ATAD2: variants seen among roughly 807,000 people sequenced by gnomAD.
ATAD2 encodes ATPase family AAA domain-containing protein 2.
A neutral mutation model predicts 168.9 loss-of-function variants in ATAD2; 62 were observed. The ratio of observed to expected loss-of-function variants is 0.37; its 90% confidence interval spans 0.30 to 0.45. The LOEUF (loss-of-function observed/expected upper bound fraction) is 0.45, where lower values mean the gene tolerates loss of function less well. Ranked by LOEUF, ATAD2 falls within the 20% of genes least tolerant of loss-of-function variation. The pLI is 1.00. For synonymous variants in ATAD2, 613 were observed against 571.6 expected, an observed-to-expected ratio of 1.07 and a Z score of -1.03; for missense variants, 1,419 against 1,667.8, an observed-to-expected ratio of 0.85 and a Z score of 2.60.
At chr8:123,389,613 C>T (rs1368039437) in intron 1 of ATAD2, among the ~76,000 whole-genome samples, 1 of 151,260 alleles carries the variant, frequency 6.6e-6, no homozygotes, top group Non-Finnish European at 1.5e-5. Flanking sequence ...GCACTTCAGC[C>T]TGGGCGACAG....
chr8:123,371,810 T>C lies in ATAD2; in HGVS notation c.396A>G (p.Ser132=). 2 of 1,604,500 alleles carry C rather than the reference T, an allele frequency of 1.2e-6. No individual in the cohort carries two copies. The highest frequency in any genetic ancestry group is 2.2e-5 in the East Asian group (1 of 44,734). ...REDKVIPVTR[S]LRARNIVQST... is the part of the protein sequence containing the mutation. Reference sequence around the variant, plus strand: ...TTTGAACGATGTTTCTAGCCCTCAATGACCGAGTAACTGGAATCACTTTGT... The same window carrying C: ...TTTGAACGATGTTTCTAGCCCTCAACGACCGAGTAACTGGAATCACTTTGT... The change falls in exon 4 of 28, where the codon TCA becomes TCG. Residue 132 remains serine (S), a synonymous_variant. Coordinates refer to ENST00000287394, the MANE Select transcript of ATAD2 (RefSeq NM_014109.4).
In ATAD2 at chr8:123,334,199, C is replaced by A; in HGVS notation, c.3334+1G>T. The A allele has an allele frequency of 6.3e-7, 1 of 1,576,402 alleles. No individual in the cohort carries two copies. The highest frequency in any genetic ancestry group is 8.6e-7 in the Non-Finnish European group (1 of 1,168,488). On this transcript the variant is annotated splice_donor_variant, in intron 23 of 27. Coordinates refer to ENST00000287394, the MANE Select transcript of ATAD2 (RefSeq NM_014109.4). LOFTEE classifies it high-confidence loss of function. ...ACAAATCAACCAAATCACTTTCCTA[C>A]CTCTTTTCTTTCTAGATTCCTGAAT...
chr8:123,387,290 G>C (rs1346530644), intron 1 of ATAD2, among the ~76,000 whole-genome samples: 1 of 151,996 alleles, frequency 6.6e-6, no homozygotes, highest in Non-Finnish European at 1.5e-5. Flanking sequence ...ACAAATTGCT[G>C]AATGTATTAT....
chr8:123,372,489 G>A (rs1343138875), intron 3 of ATAD2, 148 bp downstream of exon 3: 1 of 581,732 alleles, frequency 1.7e-6, no homozygotes, highest in East Asian at 3.2e-5. Context: ...TCTTATTGTG[G>A]TGATGGCTTC....
At chr8:123,394,946 A>T (rs1812757505) in intron 1 of ATAD2, among the ~76,000 whole-genome samples, 1 of 152,242 alleles carries the variant, frequency 6.6e-6, no homozygotes. Flanking sequence ...CCCTCAGTAG[A>T]GTAGCAACCA....
At chr8:123,342,397 TAAG>T (rs1225298065) in intron 19 of ATAD2, 2 of 152,016 alleles carry the variant, frequency 1.3e-5, no homozygotes, top group African/African-American at 4.8e-5. Context: ...GAATGGAGAT[TAAG>T]AAGTGGAAGA....
intron 2 of ATAD2, among the ~76,000 whole-genome samples, chr8:123,376,975 C>G (rs1829333113): frequency 6.6e-6 from 1 of 151,564 alleles, no homozygotes; most frequent in African/African-American, 2.4e-5. Flanking sequence ...GCCTGTAATC[C>G]CAGCTACTCA....
upstream of ATAD2, chr8:123,401,362 A>ACCCAG: frequency 7.1e-7 from 1 of 1,404,758 alleles, no homozygotes; most frequent in Non-Finnish European, 1.0e-6. Context: ...GGACCTGCTC[A>ACCCAG]CCCAGGCGGG....
chr8:123,401,752 G>A lies in ATAD2; in HGVS notation c.-2281-577C>T, dbSNP rs190838725. 5.4e-6 allele frequency: 4 copies of A among 746,398 alleles called. No individual in the cohort carries two copies. The East Asian group carries it at 9.9e-5, about 19-fold the overall frequency. The allele number at this position is 746,398 out of a possible 1,614,324, so 46.2% of individuals were successfully genotyped here. A position where few individuals can be genotyped will look rare whatever the true frequency, so the allele number is the denominator to read the frequency against. ...GCTCCCTGCTGGCTGCCACCTCGGA[G>A]GCCCCCAGCGAATAGTTCTCAGATG... On this transcript the variant is annotated intron_variant, in intron 1 of 28. Transcript: ENST00000521903.
At chr8:123,346,536 C>T (rs1828248306) in intron 17 of ATAD2, 82 bp downstream of exon 17, 1 of 1,311,042 alleles carries the variant, frequency 7.6e-7, no homozygotes. Context: ...TTGGTTAGCA[C>T]TTTTTATTTT....
At chr8:123,398,023 C>T (rs1379395938), upstream of ATAD2, among the ~76,000 whole-genome samples, 1 of 151,908 alleles carries the variant, frequency 6.6e-6, no homozygotes, top group African/African-American at 2.4e-5. Context: ...TATTATAGCC[C>T]CCAAATTCCC....
At chr8:123,393,317 C>A (rs965595955) in intron 1 of ATAD2, among the ~76,000 whole-genome samples, 2 of 152,002 alleles carry the variant, frequency 1.3e-5, no homozygotes, top group African/African-American at 4.8e-5. Flanking sequence ...TCGAGACCAG[C>A]CTGAGCAACA....
intron 26 of ATAD2, among the ~76,000 whole-genome samples, chr8:123,325,101 T>C (rs1411448666): frequency 7.8e-6 from 1 of 127,472 alleles, no homozygotes; most frequent in Non-Finnish European, 1.5e-5. Flanking sequence ...TAATAATTCT[T>C]TTTTTTTTTT....
In ATAD2 at chr8:123,404,843, C is replaced by G. The variant is rs572978042; in HGVS notation, c.-2281-3668G>C. On this transcript the variant is annotated intron_variant, in intron 1 of 28. Coordinates refer to the ATAD2 transcript ENST00000521903. ...GCGTGAGCCACCGCGCCCAGCCCCC[C>G]CTTTCTCTCATAAGGACGTCAGTCA... is the stretch of plus-strand genomic sequence containing the variant. Among the ~76,000 whole-genome samples, 300 of 152,246 alleles carry G rather than the reference C, an allele frequency of 2.0e-3. 1 individual carries two copies. Among genetic ancestry groups the G allele is most frequent in the African/African-American group, 6.1e-3 (254 of 41,556 alleles).
chr8:123,344,311 T>C (rs1046065680), intron 19 of ATAD2, among the ~76,000 whole-genome samples: 6 of 151,766 alleles, frequency 4.0e-5, no homozygotes, highest in African/African-American at 1.2e-4. Flanking sequence ...AATTGCAGAA[T>C]AGTATGTATC....
intron 9 of ATAD2, among the ~76,000 whole-genome samples, chr8:123,360,057 T>C (rs1156715612): frequency 2.6e-5 from 4 of 152,184 alleles, no homozygotes; most frequent in Admixed American, 6.5e-5. Context: ...TTAGGTGCTT[T>C]ACGTGGATTA....
Position 123,402,040 on chromosome 8 carries a change from G to A in ATAD2, c.-2281-865C>T, listed in dbSNP as rs903026220. On this transcript the variant is annotated intron_variant, in intron 1 of 28. Coordinates refer to the ATAD2 transcript ENST00000521903. This position sits in a 1 kb window ranked among gnomAD's most constrained non-coding sequence, Gnocchi z 4.8. ...ACTCAGGAGAGCTCAAGTTTGAGAAGCGTACCATGTCGGCCCAGATTGAGG... is the reference window on the plus strand; with the variant it reads ...ACTCAGGAGAGCTCAAGTTTGAGAAACGTACCATGTCGGCCCAGATTGAGG... 1.5e-5 allele frequency: 22 copies of A among 1,508,172 alleles called. No individual in the cohort carries two copies. The African/African-American group carries it at 3.0e-4, about 21-fold the overall frequency. 93.4% of individuals were successfully genotyped at this position (1,508,172 alleles called of 1,614,324 possible).
Position 123,369,936 on chromosome 8 carries a change from A to ATCATCATCATCG in ATAD2, c.815_816insCGATGATGATGA (p.Asp274_Asp277dup), listed in dbSNP as rs1829097193. On this transcript the variant is annotated inframe_insertion, in exon 7 of 28. Transcript: ENST00000287394. ...CATCATCTTCATCATCATCATCATCATCATCATCGTCATCATCATCATCAT... is the reference window on the plus strand; with the variant it reads ...CATCATCTTCATCATCATCATCATCATCATCATCATCGTCATCATCGTCATCATCATCATCAT... 1 of 1,576,194 alleles carries ATCATCATCATCG rather than the reference A, an allele frequency of 6.3e-7. No homozygotes were observed. Among genetic ancestry groups the ATCATCATCATCG allele is most frequent in the African/African-American group, 1.4e-5 (1 of 73,520 alleles).
chr8:123,410,835 C>T (rs994763159), intron 1 of ATAD2, among the ~76,000 whole-genome samples: 3 of 152,244 alleles, frequency 2.0e-5, no homozygotes, highest in Non-Finnish European at 2.9e-5. Flanking sequence ...GCAGGGTGTC[C>T]GCTGTGCTCC....
Sources: allele counts gnomAD v4.1 joint callset (sites outside exome capture counted in the v4.1 genomes callset), GRCh38; gene constraint gnomAD v4.1.1; non-coding constraint Gnocchi (gnomAD v3.1); transcripts MANE v1.5; gene names NCBI Gene and HGNC (gene_info 2026-07-23, HGNC 2026-07-21).